Variants in RAB27B observed in about 807,000 individuals in gnomAD.
RAB27B encodes RAB27B, member RAS oncogene family.
RAB27B carries 15 observed loss-of-function variants against 24.6 expected under a neutral mutation model. That is an observed-to-expected ratio of 0.61 (90% CI 0.41 to 0.94). The LOEUF (loss-of-function observed/expected upper bound fraction) is 0.94, where lower values mean the gene tolerates loss of function less well. Ranked by LOEUF, RAB27B falls within the 40% of genes least tolerant of loss-of-function variation. The pLI, the probability that RAB27B is intolerant of heterozygous loss-of-function variation, is 0.00. For missense variants in RAB27B, 261 were observed against 266.8 expected (o/e 0.98, Z 0.15); for synonymous variants, 105 against 92.5 (o/e 1.14, Z -0.78).
At chr18:54,842,400 G>A (rs1598950389) in intron 1 of RAB27B, among the ~76,000 whole-genome samples, 1 of 152,052 alleles carries the variant, frequency 6.6e-6, no homozygotes, top group African/African-American at 2.4e-5. Flanking sequence ...AAGGGCATAC[G>A]GTTTTGAACT....
chr18:54,752,013 G>A (rs1216695552), intron 2 of RAB27B, among the ~76,000 whole-genome samples: 2 of 152,046 alleles, frequency 1.3e-5, no homozygotes, highest in Non-Finnish European at 2.9e-5. Context: ...TCCAAATTGC[G>A]GCGTTATGGT....
At chr18:54,804,205 A>C (rs1909695629) in intron 2 of RAB27B, among the ~76,000 whole-genome samples, 2 of 152,354 alleles carry the variant, frequency 1.3e-5, no homozygotes, top group Admixed American at 6.5e-5. Context: ...AATGATAAGG[A>C]AACATCCAAA....
At chr18:54,809,334 G>A (rs1308743286) in intron 2 of RAB27B, among the ~76,000 whole-genome samples, 1 of 152,162 alleles carries the variant, frequency 6.6e-6, no homozygotes, top group Admixed American at 6.5e-5. Context: ...ACCACCAGTA[G>A]AGTATGCACT....
chr18:54,781,185 GCTGCTA>G (rs1430024979), intron 2 of RAB27B, among the ~76,000 whole-genome samples: 1 of 152,092 alleles, frequency 6.6e-6, no homozygotes, highest in African/African-American at 2.4e-5. Flanking sequence ...GCCACTCCAT[GCTGCTA>G]CCTGATTGAA....
intron 2 of RAB27B, among the ~76,000 whole-genome samples, chr18:54,793,513 AT>A (rs879764917): frequency 4.6e-5 from 7 of 152,174 alleles, no homozygotes; most frequent in Admixed American, 4.6e-4. Flanking sequence ...TCCTTTTCAC[AT>A]GGTTTTCCCA....
intron 1 of RAB27B, among the ~76,000 whole-genome samples, chr18:54,847,922 C>CCTT (rs1341704327): frequency 2.6e-5 from 4 of 152,058 alleles, no homozygotes; most frequent in Non-Finnish European, 5.9e-5. Context: ...TTCACAAATC[C>CCTT]CTTAGGCCCA....
intron 2 of RAB27B, among the ~76,000 whole-genome samples, chr18:54,794,747 C>T (rs979576168): frequency 8.5e-5 from 13 of 152,246 alleles, no homozygotes; most frequent in East Asian, 1.9e-4. Flanking sequence ...GAAGTGGTCC[C>T]GTTTAGAGTG....
intron 2 of RAB27B, among the ~76,000 whole-genome samples, chr18:54,773,141 G>A (rs1036074698): frequency 2.6e-5 from 4 of 151,952 alleles, no homozygotes; most frequent in Admixed American, 2.0e-4. Context: ...ATTAAATTGA[G>A]CAGACATTAG....
chr18:54,756,877 TCTAA>T (rs1568054305), intron 2 of RAB27B, among the ~76,000 whole-genome samples: 1 of 152,188 alleles, frequency 6.6e-6, no homozygotes, highest in Non-Finnish European at 1.5e-5. Context: ...TTCCTTTATA[TCTAA>T]CTAAAGTTTC....
chr18:54,801,008 G>GTTTTTTTTTTTTTTT (rs11363761), intron 2 of RAB27B, among the ~76,000 whole-genome samples: 1 of 93,096 alleles, frequency 1.1e-5, no homozygotes, highest in African/African-American at 4.2e-5. Context: ...TTGTTCCTGT[G>GTTTTTTTTTTTTTTT]TTTTTTTTTT....
At chr18:54,838,948 G>A (rs190282976) in intron 1 of RAB27B, among the ~76,000 whole-genome samples, 1 of 152,144 alleles carries the variant, frequency 6.6e-6, no homozygotes, top group Non-Finnish European at 1.5e-5. Flanking sequence ...TAGTAAGTAA[G>A]CTAACATTAT....
At chr18:54,766,076 C>G (rs1388523402) in intron 2 of RAB27B, among the ~76,000 whole-genome samples, 1 of 152,140 alleles carries the variant, frequency 6.6e-6, no homozygotes, top group Non-Finnish European at 1.5e-5. Flanking sequence ...GAATGGTCAA[C>G]AATCACACGT....
chr18:54,873,249 C>T (rs182624378), intron 1 of RAB27B, among the ~76,000 whole-genome samples: 20 of 152,312 alleles, frequency 1.3e-4, no homozygotes, highest in African/African-American at 4.1e-4. Flanking sequence ...TTAAACAGAG[C>T]CTCATGGGTG....
intron 2 of RAB27B, among the ~76,000 whole-genome samples, chr18:54,778,122 C>T (rs1335202698): frequency 1.3e-5 from 2 of 152,196 alleles, no homozygotes; most frequent in Admixed American, 1.3e-4. Context: ...TTCCTTCTTA[C>T]CAATAAGTCA....
chr18:54,852,963 A>G (rs533374382), intron 1 of RAB27B, among the ~76,000 whole-genome samples: 22 of 152,312 alleles, frequency 1.4e-4, no homozygotes, highest in African/African-American at 5.3e-4. Flanking sequence ...AGAACGCAAT[A>G]TGAGTATCTG....
intron 4 of RAB27B, 141 bp downstream of exon 4, chr18:54,884,577 T>A: frequency 1.8e-6 from 1 of 569,564 alleles, no homozygotes; most frequent in East Asian, 2.9e-5. Flanking sequence ...TGTGCCACTG[T>A]GTCACCTTCA....
Position 54,777,185 on chromosome 18 carries a change from A to G in RAB27B, c.-20+59044A>G, listed in dbSNP as rs577498143. The stretch of plus-strand genomic sequence containing the variant: ...CTCAAATTTACAATAACTTTTTAAT[A>G]AAATGCATGAAATGTTACAGGATTG... On this transcript the variant is annotated intron_variant, in intron 2 of 4. Transcript: ENST00000586570. Among the ~76,000 whole-genome samples the G allele has an allele frequency of 7.2e-5, 11 of 152,300 alleles. 1 individual carries two copies. The East Asian group carries it at 1.7e-3, about 24-fold the overall frequency.
At chr18:54,810,001 G>A (rs1909912787) in intron 2 of RAB27B, among the ~76,000 whole-genome samples, 1 of 152,106 alleles carries the variant, frequency 6.6e-6, no homozygotes, top group Admixed American at 6.5e-5. Context: ...TTCAGCATTT[G>A]CATAAATTGA....
intron 2 of RAB27B, among the ~76,000 whole-genome samples, chr18:54,795,346 C>T (rs981641154): frequency 1.3e-5 from 2 of 152,116 alleles, no homozygotes; most frequent in African/African-American, 4.8e-5. Context: ...TACCGAAATG[C>T]CAAGGGTTTG....
Sources: allele counts gnomAD v4.1 joint callset (sites outside exome capture counted in the v4.1 genomes callset), GRCh38; gene constraint gnomAD v4.1.1; transcripts MANE v1.5; gene names NCBI Gene and HGNC (gene_info 2026-07-23, HGNC 2026-07-21).